Variants in CTNNA3 observed in about 807,000 individuals in gnomAD.
CTNNA3 encodes the protein catenin alpha 3.
Under a neutral mutation model 95.7 loss-of-function variants are expected in CTNNA3, and 76 were observed. That is an observed-to-expected ratio of 0.79 (90% CI 0.66 to 0.96). The LOEUF is 0.96. Ranked by LOEUF, CTNNA3 falls within the 40% of genes least tolerant of loss-of-function variation. The pLI is 0.00. For missense variants in CTNNA3, 1,191 were observed against 1,089.8 expected (o/e 1.09, Z -1.31); for synonymous variants, 431 against 374.4 (o/e 1.15, Z -1.74).
intron 7 of CTNNA3, among the ~76,000 whole-genome samples, chr10:67,063,674 C>T (rs1855895859): frequency 6.6e-6 from 1 of 152,152 alleles, no homozygotes; most frequent in South Asian, 2.1e-4. Context: ...TACTTAGACA[C>T]CTAATACGTA....
intron 15 of CTNNA3, among the ~76,000 whole-genome samples, chr10:66,042,872 C>G (rs1442534725): frequency 9.0e-6 from 1 of 111,468 alleles, no homozygotes; most frequent in Non-Finnish European, 1.7e-5. Context: ...TGTACTCCAG[C>G]CTGGGTGACT....
intron 15 of CTNNA3, among the ~76,000 whole-genome samples, chr10:66,020,919 C>T (rs944079324): frequency 8.5e-5 from 13 of 152,134 alleles, no homozygotes; most frequent in Admixed American, 5.2e-4. Context: ...ATGATCCGCC[C>T]TCCTTGGCCT....
chr10:67,171,149 C>T (rs1355433107), intron 7 of CTNNA3, among the ~76,000 whole-genome samples: 1 of 152,102 alleles, frequency 6.6e-6, no homozygotes, highest in Non-Finnish European at 1.5e-5. Flanking sequence ...ATAAAATAAA[C>T]TGAATCATAT....
At chr10:66,022,799 G>A (rs567982471) in intron 15 of CTNNA3, among the ~76,000 whole-genome samples, 37 of 152,194 alleles carry the variant, frequency 2.4e-4, no homozygotes, top group African/African-American at 8.9e-4. Flanking sequence ...TCCCCTTGTG[G>A]TCTCATCTTT....
chr10:66,674,709 A>G (rs1364048795), intron 9 of CTNNA3, among the ~76,000 whole-genome samples: 1 of 151,962 alleles, frequency 6.6e-6, no homozygotes, highest in Non-Finnish European at 1.5e-5. Flanking sequence ...ATGATGGGTA[A>G]TACTTTATTA....
intron 5 of CTNNA3, among the ~76,000 whole-genome samples, chr10:67,350,669 T>C (rs1479298391): frequency 1.3e-5 from 2 of 151,040 alleles, no homozygotes; most frequent in Admixed American, 6.6e-5. Flanking sequence ...ATTTGCCTAA[T>C]AGAATGACTA....
chr10:66,243,101 A>G (rs1310786460), intron 13 of CTNNA3, among the ~76,000 whole-genome samples: 1 of 152,194 alleles, frequency 6.6e-6, no homozygotes, highest in African/African-American at 2.4e-5. Flanking sequence ...ATTCAGGCAC[A>G]ATTGATCAGT....
At position 65,920,562 on chromosome 10, in the gene CTNNA3, A is replaced by C. The variant is rs1402214488; in HGVS notation, c.2456T>G (p.Val819Gly). 3 of 1,614,042 alleles carry C rather than the reference A, an allele frequency of 1.9e-6. No homozygotes were observed. The highest frequency in any genetic ancestry group is 1.7e-6 in the Non-Finnish European group (2 of 1,180,032). Residue 819 changes from valine to glycine, a missense_variant, in exon 18 of 18, where the codon GTG becomes GGG. Transcript: ENST00000433211. The stretch of plus-strand genomic sequence containing the variant: ...AATGTAAGACATTTTCACTGTTTGC[A>C]CTACAGCATTCATTAAATTTTTGGC... ...QAAKNLMNAV[V>G]QTVKMSYIAS... is the part of the protein sequence containing the mutation.
intron 7 of CTNNA3, among the ~76,000 whole-genome samples, chr10:66,874,213 T>C (rs940718066): frequency 1.3e-5 from 2 of 152,106 alleles, no homozygotes; most frequent in African/African-American, 4.8e-5. Context: ...TCAGAGAGCA[T>C]GGCCAGGGTA....
intron 10 of CTNNA3, among the ~76,000 whole-genome samples, chr10:66,620,347 C>CAA (rs3053864): frequency 0.31 from 47,340 of 151,578 alleles, 8,037 homozygotes; most frequent in Middle Eastern, 0.49. Context: ...AAATTAATTA[C>CAA]AAAATACAAC....
chr10:67,690,271 C>T (rs1840816892), intron 1 of CTNNA3, among the ~76,000 whole-genome samples: 1 of 152,220 alleles, frequency 6.6e-6, no homozygotes, highest in East Asian at 1.9e-4. Flanking sequence ...AAGCCACAGA[C>T]CCTCACGGTG....
At chr10:67,702,177 G>T (rs933774157) in intron 1 of CTNNA3, among the ~76,000 whole-genome samples, 4 of 152,010 alleles carry the variant, frequency 2.6e-5, no homozygotes, top group Non-Finnish European at 5.9e-5. Flanking sequence ...AATAATAATG[G>T]GAGACTTTAA....
At chr10:66,492,466 T>G (rs1839957185) in intron 11 of CTNNA3, among the ~76,000 whole-genome samples, 1 of 146,540 alleles carries the variant, frequency 6.8e-6, no homozygotes. Context: ...TTTTTTTTTT[T>G]TGGTAGAGAC....
intron 1 of CTNNA3, chr10:67,750,699 G>A: frequency 6.4e-7 from 1 of 1,562,842 alleles, no homozygotes; most frequent in African/African-American, 1.4e-5. Flanking sequence ...CAATGTTCTT[G>A]GATGCCTGGG....
At chr10:67,083,347 A>C (rs1035456747) in intron 7 of CTNNA3, among the ~76,000 whole-genome samples, 6 of 152,082 alleles carry the variant, frequency 3.9e-5, no homozygotes, top group African/African-American at 1.4e-4. Context: ...AGTTCCAATC[A>C]GTTATTCAAT....
intron 16 of CTNNA3, among the ~76,000 whole-genome samples, chr10:65,982,498 C>T (rs1003036716): frequency 1.3e-5 from 2 of 150,140 alleles, no homozygotes; most frequent in East Asian, 3.9e-4. Context: ...AACCCCACTA[C>T]TAGATATCTA....
chr10:66,141,069 G>A (rs2083590272), intron 13 of CTNNA3, among the ~76,000 whole-genome samples: 1 of 151,926 alleles, frequency 6.6e-6, no homozygotes, highest in Non-Finnish European at 1.5e-5. Flanking sequence ...GACCAGCCTG[G>A]GCAACATGGT....
chr10:66,432,617 C>T lies in CTNNA3; in HGVS notation c.1532-53265G>A, dbSNP rs999184917. Among the ~76,000 whole-genome samples, 364 of 149,906 alleles carry T rather than the reference C, an allele frequency of 2.4e-3. 2 individuals carry two copies. Among genetic ancestry groups the T allele is most frequent in the African/African-American group, 8.1e-3 (330 of 40,682 alleles). On this transcript the variant is annotated intron_variant, in intron 11 of 17. Coordinates refer to ENST00000433211, the MANE Select transcript of CTNNA3 (RefSeq NM_013266.4). ...TGGAGCTTGCAGTGAGCAGAGATTGCGCCACTGCACTCCAGCCTGGGTGAC... is the reference window on the plus strand; with the variant it reads ...TGGAGCTTGCAGTGAGCAGAGATTGTGCCACTGCACTCCAGCCTGGGTGAC...
intron 9 of CTNNA3, among the ~76,000 whole-genome samples, chr10:66,642,921 A>G (rs182049628): frequency 1.8e-4 from 27 of 152,246 alleles, no homozygotes; most frequent in African/African-American, 6.0e-4. Context: ...CTGTTTCTAG[A>G]CCAACTCTTT....
Sources: gnomAD v4.1 joint callset for allele counts (sites outside exome capture counted in the v4.1 genomes callset) on GRCh38, gnomAD v4.1.1 for gene constraint, MANE v1.5 for transcripts, NCBI Gene and HGNC (gene_info 2026-07-23, HGNC 2026-07-21) for gene names.